Variants in RSPO2 observed in about 807,000 individuals in gnomAD.
RSPO2 encodes the protein R-spondin-2.
RSPO2 carries 14 observed loss-of-function variants against 30.9 expected under a neutral mutation model. The observed-to-expected ratio is 0.45, with a 90% confidence interval of 0.30 to 0.71. The LOEUF (loss-of-function observed/expected upper bound fraction) is 0.71, where lower values mean the gene tolerates loss of function less well. Ranked by LOEUF, RSPO2 falls within the 30% of genes least tolerant of loss-of-function variation. RSPO2 has a pLI of 0.08. For synonymous variants in RSPO2, 107 were observed against 96.4 expected (o/e 1.11, Z -0.64); for missense variants, 264 against 301.9 (o/e 0.87, Z 0.93).
intron 5 of RSPO2, among the ~76,000 whole-genome samples, chr8:107,914,252 CCAGTAACAGTGAACAGGAA>C (rs1811909357): frequency 6.6e-6 from 1 of 152,016 alleles, no homozygotes; most frequent in South Asian, 2.1e-4. Flanking sequence ...GAAGTCTATG[CCAGTAACAGTGAACAGGAA>C]CAGTAAACAT....
chr8:108,022,272 G>A (rs977673625), intron 2 of RSPO2, among the ~76,000 whole-genome samples: 12 of 152,078 alleles, frequency 7.9e-5, no homozygotes, highest in Non-Finnish European at 1.5e-4. Context: ...TCAAATAGCA[G>A]AGAGAGAGAG....
At chr8:107,996,271 T>C (rs1815021570) in intron 2 of RSPO2, among the ~76,000 whole-genome samples, 1 of 152,132 alleles carries the variant, frequency 6.6e-6, no homozygotes, top group African/African-American at 2.4e-5. Context: ...ACCTTAAGCA[T>C]GAAGACCCTA....
rs35774922 is a variant in RSPO2 at position 108,033,049 on chromosome 8, CAAAAAAAAA to C, written c.95-43814_95-43806del. ...TGGGTGACAGAGCAAGACTCTGTCT[CAAAAAAAAA>C]AAAAAAAAAAAAAAAAAAAATTTGT... On this transcript the variant is annotated intron_variant, in intron 2 of 5. Coordinates refer to ENST00000276659, the MANE Select transcript of RSPO2 (RefSeq NM_178565.5). Among the ~76,000 whole-genome samples the C allele has an allele frequency of 2.3e-3, 159 of 68,746 alleles. 1 individual carries two copies. The highest frequency in any genetic ancestry group is 0.017 in the Middle Eastern group (2 of 116). The allele number at this position is 68,746 out of a possible 152,430, so 45.1% of individuals were successfully genotyped here.
At chr8:107,993,180 G>A (rs1814907941) in intron 2 of RSPO2, among the ~76,000 whole-genome samples, 1 of 152,130 alleles carries the variant, frequency 6.6e-6, no homozygotes, top group Non-Finnish European at 1.5e-5. Flanking sequence ...TTATCAGTGA[G>A]GAAGACTAAT....
chr8:108,025,640 C>T (rs756400555), intron 2 of RSPO2, among the ~76,000 whole-genome samples: 1 of 152,092 alleles, frequency 6.6e-6, no homozygotes, highest in Non-Finnish European at 1.5e-5. Flanking sequence ...ATCCTCCCAC[C>T]TCAGCCTCCC....
intron 5 of RSPO2, among the ~76,000 whole-genome samples, chr8:107,917,089 A>C (rs1039104469): frequency 2.0e-5 from 3 of 152,206 alleles, no homozygotes; most frequent in African/African-American, 7.2e-5. Flanking sequence ...GGGGAAAGAA[A>C]GAGGAGAGAG....
At chr8:107,910,932 C>T (rs1380098005) in intron 5 of RSPO2, among the ~76,000 whole-genome samples, 1 of 152,068 alleles carries the variant, frequency 6.6e-6, no homozygotes, top group East Asian at 1.9e-4. Context: ...TGTAATGTGC[C>T]ATAGCATCCT....
intron 5 of RSPO2, among the ~76,000 whole-genome samples, chr8:107,921,591 AC>A (rs1351314804): frequency 6.6e-6 from 1 of 151,874 alleles, no homozygotes; most frequent in Non-Finnish European, 1.5e-5. Context: ...GGAGGGACTG[AC>A]TCCTCTCCAA....
At chr8:108,036,045 C>G (rs1811586079) in intron 2 of RSPO2, among the ~76,000 whole-genome samples, 2 of 152,132 alleles carry the variant, frequency 1.3e-5, no homozygotes, top group African/African-American at 4.8e-5. Context: ...TCAGTTTGTT[C>G]TAAAATCCAA....
intron 3 of RSPO2, among the ~76,000 whole-genome samples, chr8:107,971,910 G>C (rs16877050): frequency 0.034 from 5,187 of 152,178 alleles, 279 homozygotes; most frequent in African/African-American, 0.12. Context: ...TATGTGTGAA[G>C]TTTCTTGAAA....
At chr8:108,034,353 C>T (rs556666253) in intron 2 of RSPO2, among the ~76,000 whole-genome samples, 7 of 152,126 alleles carry the variant, frequency 4.6e-5, no homozygotes, top group African/African-American at 1.2e-4. Context: ...AATTTGGTTA[C>T]GGTGGGTATT....
chr8:108,012,882 C>A (rs1287332494), intron 2 of RSPO2, among the ~76,000 whole-genome samples: 3 of 152,252 alleles, frequency 2.0e-5, no homozygotes, highest in East Asian at 3.9e-4. Context: ...ATTTACAACC[C>A]TCATGTTGGA....
intron 2 of RSPO2, among the ~76,000 whole-genome samples, chr8:108,013,368 A>C (rs570502493): frequency 4.6e-5 from 7 of 152,292 alleles, no homozygotes; most frequent in Non-Finnish European, 7.4e-5. Context: ...GGCTTGCCCT[A>C]AAATTTCTCC....
intron 5 of RSPO2, among the ~76,000 whole-genome samples, chr8:107,926,345 G>T (rs893266445): frequency 8.5e-5 from 13 of 152,094 alleles, no homozygotes; most frequent in African/African-American, 3.1e-4. Context: ...CTCCTATTCT[G>T]TAGGTTGCCT....
At chr8:107,975,873 A>G (rs553801148) in intron 3 of RSPO2, among the ~76,000 whole-genome samples, 1 of 152,272 alleles carries the variant, frequency 6.6e-6, no homozygotes, top group South Asian at 2.1e-4. Context: ...AGGAGAAAGC[A>G]TAAAAGAACT....
At position 107,993,682 on chromosome 8, in the gene RSPO2, A is replaced by C. The variant is rs143441677; in HGVS notation, c.95-4438T>G. On this transcript the variant is annotated intron_variant, in intron 2 of 5. Coordinates refer to ENST00000276659, the MANE Select transcript of RSPO2 (RefSeq NM_178565.5). ...ACAATTTGGTGGCTTAAACAACAGGAATTTATTATCACAATTCTAGAGACT... is the reference window on the plus strand; with the variant it reads ...ACAATTTGGTGGCTTAAACAACAGGCATTTATTATCACAATTCTAGAGACT... Among the ~76,000 whole-genome samples the C allele has an allele frequency of 4.2e-3, 635 of 152,234 alleles. 13 individuals are homozygous for C. Among genetic ancestry groups the C allele is most frequent in the Admixed American group, 0.028 (422 of 15,286 alleles).
At chr8:107,925,281 T>C (rs748970406) in intron 5 of RSPO2, among the ~76,000 whole-genome samples, 4 of 151,820 alleles carry the variant, frequency 2.6e-5, no homozygotes, top group Admixed American at 6.6e-5. Flanking sequence ...AAACCACCTG[T>C]ACCCCAAAAA....
intron 2 of RSPO2, among the ~76,000 whole-genome samples, chr8:108,062,952 G>T (rs987913173): frequency 2.0e-5 from 3 of 151,846 alleles, no homozygotes; most frequent in Non-Finnish European, 4.4e-5. Flanking sequence ...CTCAATAGAT[G>T]CAGAAAAGGA....
At chr8:108,024,024 A>C (rs1321772075) in intron 2 of RSPO2, among the ~76,000 whole-genome samples, 1 of 152,134 alleles carries the variant, frequency 6.6e-6, no homozygotes, top group African/African-American at 2.4e-5. Flanking sequence ...AATTACTAAA[A>C]TTTCATGGTG....
Sources: gnomAD v4.1 joint callset for allele counts (sites outside exome capture counted in the v4.1 genomes callset) on GRCh38, gnomAD v4.1.1 for gene constraint, MANE v1.5 for transcripts, NCBI Gene and HGNC (gene_info 2026-07-23, HGNC 2026-07-21) for gene names.